The following EHBP1 variants were observed in gnomAD, a reference collection of about 807,000 sequenced individuals.
The protein encoded by EHBP1 is EH domain-binding protein 1.
A neutral mutation model predicts 144.0 loss-of-function variants in EHBP1; 55 were observed. That is an observed-to-expected ratio of 0.38 (90% confidence interval 0.31 to 0.48). The LOEUF (loss-of-function observed/expected upper bound fraction) is 0.48, where lower values mean the gene tolerates loss of function less well. Among genes scored for constraint, EHBP1 ranks in the 20% least tolerant of loss-of-function variants. EHBP1 has a pLI of 0.98. For missense variants in EHBP1, 1,200 were observed against 1,364.2 expected, an observed-to-expected ratio of 0.88 and a Z score of 1.90; for synonymous variants, 469 against 472.7, an observed-to-expected ratio of 0.99 and a Z score of 0.10.
At chr2:62,912,066 AAT>A (rs2152979696) in intron 10 of EHBP1, among the ~76,000 whole-genome samples, 1 of 152,224 alleles carries the variant, frequency 6.6e-6, no homozygotes, top group African/African-American at 2.4e-5. Context: ...GGAAGCTGCA[AAT>A]GGTTGAAAAC....
At chr2:62,700,897 T>C (rs2039921578), upstream of EHBP1, among the ~76,000 whole-genome samples, 1 of 152,156 alleles carries the variant, frequency 6.6e-6, no homozygotes, top group South Asian at 2.1e-4. Flanking sequence ...CAGTTTTTTC[T>C]TCTCTTAAGG....
chr2:62,686,948 C>G (rs1365167324), intron 1 of EHBP1, among the ~76,000 whole-genome samples: 2 of 152,152 alleles, frequency 1.3e-5, no homozygotes, highest in African/African-American at 4.8e-5. Context: ...CTCCTCATAA[C>G]AACTCTAAAG....
At chr2:62,880,574 T>G (rs2051319274) in intron 10 of EHBP1, among the ~76,000 whole-genome samples, 1 of 151,992 alleles carries the variant, frequency 6.6e-6, no homozygotes, top group South Asian at 2.1e-4. Context: ...ACCAACCCCA[T>G]TAAACAATGA....
intron 3 of EHBP1, among the ~76,000 whole-genome samples, chr2:62,750,361 G>T (rs1558603011): frequency 6.6e-6 from 1 of 152,156 alleles, no homozygotes; most frequent in Non-Finnish European, 1.5e-5. Context: ...TTTGGTACCA[G>T]TACCATGCTG....
At chr2:63,029,881 A>G (rs2061159583) in intron 19 of EHBP1, among the ~76,000 whole-genome samples, 2 of 152,112 alleles carry the variant, frequency 1.3e-5, no homozygotes, top group Non-Finnish European at 2.9e-5. Flanking sequence ...GGCACACGCC[A>G]CCATGCCTGG....
chr2:63,037,482 A>ATT, intron 19 of EHBP1, 53 bp from the exon 20 acceptor site: 1 of 1,192,038 alleles, frequency 8.4e-7, no homozygotes, highest in East Asian at 2.4e-5. Flanking sequence ...CTAAACTACT[A>ATT]TTTGGCTTGT....
At chr2:62,734,515 A>C (rs1040839044) in intron 2 of EHBP1, among the ~76,000 whole-genome samples, 4 of 151,952 alleles carry the variant, frequency 2.6e-5, no homozygotes, top group African/African-American at 7.3e-5. Flanking sequence ...ATTTGTCTAC[A>C]TCTACTTACT....
intron 1 of EHBP1, among the ~76,000 whole-genome samples, chr2:62,698,223 T>C (rs1017319590): frequency 2.0e-5 from 3 of 152,366 alleles, no homozygotes; most frequent in South Asian, 4.1e-4. Context: ...ATATTTCAAA[T>C]ATAATCAAGT....
chr2:62,728,633 A>C (rs1300696689), intron 2 of EHBP1, among the ~76,000 whole-genome samples: 2 of 151,008 alleles, frequency 1.3e-5, no homozygotes, highest in Non-Finnish European at 3.0e-5. Context: ...TATATTTTGG[A>C]TATAAGACAC....
chr2:62,835,409 C>T (rs12624283), intron 7 of EHBP1, among the ~76,000 whole-genome samples: 1 of 151,702 alleles, frequency 6.6e-6, no homozygotes, highest in Admixed American at 6.6e-5. Flanking sequence ...GGTATTCTCT[C>T]TAATAAATAA....
chr2:62,955,482 T>A, intron 13 of EHBP1, 35 bp from the exon 14 acceptor site: 1 of 1,580,492 alleles, frequency 6.3e-7, no homozygotes, highest in Non-Finnish European at 8.6e-7. Flanking sequence ...ACCCGTTTTT[T>A]TTTTGGCTTC....
intron 5 of EHBP1, among the ~76,000 whole-genome samples, chr2:62,792,205 C>T (rs2043206663): frequency 1.3e-5 from 2 of 151,958 alleles, no homozygotes; most frequent in South Asian, 4.2e-4. Flanking sequence ...GCTGTCTAAG[C>T]CAATTTAAAT....
At position 62,910,152 on chromosome 2, in the gene EHBP1, C is replaced by A. The variant is rs115900584; in HGVS notation, c.1186-32566C>A. ...GAAGTACTAATTTGGAAAGTGACTG[C>A]TTGTTTATTGGAAGAGGAATGAAAT... On this transcript the variant is annotated intron_variant, in intron 10 of 22. Transcript: ENST00000431489. Among the ~76,000 whole-genome samples, 974 of 152,202 alleles carry A rather than the reference C, an allele frequency of 6.4e-3. 11 individuals are homozygous for A. Among genetic ancestry groups the A allele is most frequent in the African/African-American group, 0.022 (898 of 41,524 alleles).
chr2:62,862,446 TAAAAATACAAAA>T (rs1472270875), intron 8 of EHBP1, among the ~76,000 whole-genome samples: 5 of 151,904 alleles, frequency 3.3e-5, no homozygotes, highest in Non-Finnish European at 7.4e-5. Context: ...TCATCTCTAC[TAAAAATACAAAA>T]AATTAGCCAG....
At chr2:62,702,090 T>G (rs2034295374), upstream of EHBP1, among the ~76,000 whole-genome samples, 1 of 152,116 alleles carries the variant, frequency 6.6e-6, no homozygotes, top group Non-Finnish European at 1.5e-5. Context: ...GAATCTCCAT[T>G]TGGGGAGTTT....
intron 19 of EHBP1, among the ~76,000 whole-genome samples, chr2:63,011,142 CAAAAAAAAAAA>C (rs58109395): frequency 4.6e-5 from 2 of 43,898 alleles, no homozygotes; most frequent in Non-Finnish European, 9.7e-5. Flanking sequence ...CCTCACTTGT[CAAAAAAAAAAA>C]AAAAAAAAAA....
In EHBP1 at chr2:62,897,941, A is replaced by G. The variant is rs140163463; in HGVS notation, c.1185+23409A>G. Among the ~76,000 whole-genome samples the G allele has an allele frequency of 5.4e-4, 83 of 152,314 alleles. 1 individual carries two copies. Among genetic ancestry groups the G allele is most frequent in the South Asian group, 2.3e-3 (11 of 4,832 alleles). On this transcript the variant is annotated intron_variant, in intron 10 of 22. Transcript: ENST00000431489. ...CACGTGACTGTTGATCACCTAAAGCATGGCTAGTTTCTCTAAAGAGCTGAA... is the reference window on the plus strand; with the variant it reads ...CACGTGACTGTTGATCACCTAAAGCGTGGCTAGTTTCTCTAAAGAGCTGAA...
intron 19 of EHBP1, among the ~76,000 whole-genome samples, chr2:63,014,716 G>A (rs777136742): frequency 3.3e-5 from 5 of 152,180 alleles, no homozygotes; most frequent in East Asian, 3.9e-4. Flanking sequence ...ACAGGCTCAC[G>A]CCTGTAATCC....
intron 5 of EHBP1, among the ~76,000 whole-genome samples, chr2:62,785,758 T>C (rs1301536332): frequency 6.6e-6 from 1 of 152,246 alleles, no homozygotes; most frequent in East Asian, 1.9e-4. Flanking sequence ...GTTTCTAGTG[T>C]TTTTATGTGG....
Sources: allele counts gnomAD v4.1 joint callset (sites outside exome capture counted in the v4.1 genomes callset), GRCh38; gene constraint gnomAD v4.1.1; transcripts MANE v1.5; gene names NCBI Gene and HGNC (gene_info 2026-07-23, HGNC 2026-07-21).